Variants in PGR observed in about 807,000 individuals in gnomAD.
PGR encodes progesterone receptor.
A neutral mutation model predicts 76.1 loss-of-function variants in PGR; 25 were observed. That is an observed-to-expected ratio of 0.33 (90% CI 0.24 to 0.46). The LOEUF (loss-of-function observed/expected upper bound fraction) is 0.46, where lower values mean the gene tolerates loss of function less well. PGR is among the 20% of genes least tolerant of loss of function. PGR has a pLI of 1.00. For synonymous variants in PGR, 579 were observed against 535.0 expected, an observed-to-expected ratio of 1.08 and a Z score of -1.14; for missense variants, 1,172 against 1,225.3, an observed-to-expected ratio of 0.96 and a Z score of 0.65.
intron 2 of PGR, among the ~76,000 whole-genome samples, chr11:101,101,658 G>A (rs1440812124): frequency 2.0e-5 from 3 of 152,142 alleles, no homozygotes; most frequent in African/African-American, 7.2e-5. Flanking sequence ...CAACATATTG[G>A]AACAGATTGA....
chr11:101,126,180 C>A (rs2135510456), intron 1 of PGR, 22 bp from the exon 2 acceptor site: 1 of 1,612,404 alleles, frequency 6.2e-7, no homozygotes, highest in East Asian at 2.2e-5. Context: ...AAACAAAGTA[C>A]TCCATTTATT....
At chr11:101,089,936 C>G (rs1048663347) in intron 3 of PGR, among the ~76,000 whole-genome samples, 2 of 152,146 alleles carry the variant, frequency 1.3e-5, no homozygotes, top group Admixed American at 6.5e-5. Context: ...CAGTGGCTCA[C>G]GCCTGTAATC....
chr11:101,100,408 T>C (rs1251866080), intron 2 of PGR, among the ~76,000 whole-genome samples: 1 of 152,190 alleles, frequency 6.6e-6, no homozygotes, highest in Non-Finnish European at 1.5e-5. Flanking sequence ...TAAACCTCTT[T>C]CTTTTATAAA....
chr11:101,109,357 A>G (rs746938744), intron 2 of PGR, among the ~76,000 whole-genome samples: 2 of 152,230 alleles, frequency 1.3e-5, no homozygotes, highest in African/African-American at 4.8e-5. Context: ...TGTAAATGCA[A>G]AGGAAATGTT....
rs1859555177 is a variant in PGR, at chr11:101,037,678, A to G, written c.*1438T>C. The G allele has an allele frequency of 4.4e-6, 1 of 226,136 alleles. No individual in the cohort carries two copies. The highest frequency in any genetic ancestry group is 1.8e-4 in the South Asian group (1 of 5,488). 14.0% of individuals were successfully genotyped at this position (226,136 alleles called of 1,614,324 possible). ...AAAGGGAGAGATCTCACAAAGTAGGAAGCAAAGGTGGAAAATTTAAAAGTA... is the reference window on the plus strand; with the variant it reads ...AAAGGGAGAGATCTCACAAAGTAGGGAGCAAAGGTGGAAAATTTAAAAGTA... On this transcript the variant is annotated 3_prime_UTR_variant, in exon 8 of 8. Coordinates refer to ENST00000325455, the MANE Select transcript of PGR (RefSeq NM_000926.4).
rs371750400 is a variant in PGR at position 101,077,347 on chromosome 11, C to T, written c.1906+14413G>A. 1.9e-3 allele frequency among the ~76,000 whole-genome samples: 286 copies of T among 152,252 alleles called. 3 individuals are homozygous for T. Among genetic ancestry groups the T allele is most frequent in the African/African-American group, 6.7e-3 (278 of 41,548 alleles). The stretch of plus-strand genomic sequence containing the variant: ...CTGATAGTGCTTGCCTTCCATTTTT[C>T]AGGATTCACCTCCAATTTCCAGATC... On this transcript the variant is annotated intron_variant, in intron 3 of 7. Transcript: ENST00000325455.
At position 101,033,363 on chromosome 11, in the gene PGR, T is replaced by C. The variant is rs1859409380; in HGVS notation, c.*5753A>G. On this transcript the variant is annotated 3_prime_UTR_variant, in exon 8 of 8. Coordinates refer to ENST00000325455, the MANE Select transcript of PGR (RefSeq NM_000926.4). ...ACTCTCCACATACCTTTTTTGGTTA[T>C]TCTCATGAATTTTAAAGCCCTTAGA... is the stretch of plus-strand genomic sequence containing the variant. The C allele has an allele frequency of 5.1e-6, 1 of 197,420 alleles. No homozygotes were observed. The highest frequency in any genetic ancestry group is 1.0e-5 in the Non-Finnish European group (1 of 95,260). The allele number at this position is 197,420 out of a possible 1,614,324, so 12.2% of individuals were successfully genotyped here. A position where few individuals can be genotyped will look rare whatever the true frequency, so the allele number is the denominator to read the frequency against.
intron 3 of PGR, among the ~76,000 whole-genome samples, chr11:101,076,279 A>G (rs1323803077): frequency 6.7e-6 from 1 of 148,192 alleles, no homozygotes; most frequent in Non-Finnish European, 1.5e-5. Flanking sequence ...GAACACATGG[A>G]CACAGGGAGG....
intron 2 of PGR, 58 bp from the exon 3 acceptor site, chr11:101,091,934 T>G: frequency 1.1e-6 from 1 of 891,196 alleles, no homozygotes; most frequent in Non-Finnish European, 1.9e-6. Flanking sequence ...CTGGAAATTC[T>G]ATGCAGTGAC....
intron 2 of PGR, among the ~76,000 whole-genome samples, chr11:101,107,864 G>T (rs1438414580): frequency 1.2e-4 from 5 of 42,252 alleles, no homozygotes; most frequent in African/African-American, 1.5e-4. Context: ...AACTGGCTTT[G>T]TAAAAAAAAA....
chr11:101,038,428 A>G lies in PGR; in HGVS notation c.*688T>C, dbSNP rs1859584382. ...TCTCCCCAAAAAAGGTTATTTTAAA[A>G]ACCTACAAAACCCACAATACTATTT... is the stretch of plus-strand genomic sequence containing the variant. On this transcript the variant is annotated 3_prime_UTR_variant, in exon 8 of 8. Transcript: ENST00000325455. The G allele has an allele frequency of 9.0e-6, 2 of 221,058 alleles. No individual in the cohort carries two copies. The highest frequency in any genetic ancestry group is 4.5e-5 in the African/African-American group (2 of 44,692). 13.7% of individuals were successfully genotyped at this position (221,058 alleles called of 1,614,324 possible). A position where few individuals can be genotyped will look rare whatever the true frequency, so the allele number is the denominator to read the frequency against.
intron 2 of PGR, among the ~76,000 whole-genome samples, chr11:101,093,177 G>T (rs1245465073): frequency 6.6e-6 from 1 of 152,108 alleles, no homozygotes; most frequent in Non-Finnish European, 1.5e-5. Flanking sequence ...CTTGTTTAGA[G>T]TCCCAGGAAT....
chr11:101,118,820 G>A (rs570112168), intron 2 of PGR, among the ~76,000 whole-genome samples: 54 of 152,196 alleles, frequency 3.5e-4, no homozygotes, highest in Non-Finnish European at 7.3e-4. Context: ...AGGATATTGT[G>A]TTCATCGGCC....
chr11:101,118,956 C>G (rs1323873161), intron 2 of PGR, among the ~76,000 whole-genome samples: 1 of 152,066 alleles, frequency 6.6e-6, no homozygotes, highest in African/African-American at 2.4e-5. Context: ...GTATCAGGGA[C>G]CAGTTTTGTG....
chr11:101,128,389 C>G lies in PGR; in HGVS notation c.682G>C (p.Glu228Gln). 6.2e-7 allele frequency: 1 copy of G among 1,609,686 alleles called. No individual in the cohort carries two copies. ...AVEVEEEDGS[E>Q]SEESAGPLLK... ...AGCGGACCCGCAGACTCCTCGGACTCAGAGCCATCCTCCTCCTCAACCTCC... is the reference window on the plus strand; with the variant it reads ...AGCGGACCCGCAGACTCCTCGGACTGAGAGCCATCCTCCTCCTCAACCTCC... Residue 228 changes from glutamate (E) to glutamine (Q), a missense_variant, in exon 1 of 8, where the codon GAG (glutamate) becomes CAG (glutamine). Glu to Gln is a conservative substitution (Grantham distance 29). This residue lies in a region of PGR where 893 missense variants were observed against 785.9 expected (regional missense o/e 1.14). Coordinates refer to ENST00000325455, the MANE Select transcript of PGR (RefSeq NM_000926.4).
Position 101,113,413 on chromosome 11 carries a change from C to T in PGR, c.1789+12594G>A, listed in dbSNP as rs960304841. ...AGTAGCTGGGACTACAGGCACCCAC[C>T]ACCATGCCTGGCTATTTTTTTTTTT... On this transcript the variant is annotated intron_variant, in intron 2 of 7. Transcript: ENST00000325455. 6.9e-5 allele frequency among the ~76,000 whole-genome samples: 10 copies of T among 144,710 alleles called. No homozygotes were observed. The South Asian group carries it at 2.3e-3, about 33-fold the overall frequency. 94.9% of individuals were successfully genotyped at this position (144,710 alleles called of 152,430 possible).
chr11:101,128,945 C>T lies in PGR; in HGVS notation c.126G>A (p.Ser42=). Residue 42 remains serine (S), a synonymous_variant, in exon 1 of 8, where the codon TCG becomes TCA. Transcript: ENST00000325455. Reference sequence around the variant, plus strand: ...TGGCCGAAACTTCAGGCAAGGTGTCCGAGGTCTGGCTCCCCGGGAACGGAC... The same window carrying T: ...TGGCCGAAACTTCAGGCAAGGTGTCTGAGGTCTGGCTCCCCGGGAACGGAC... ...AAGPFPGSQT[S]DTLPEVSAIP... 6.2e-7 allele frequency: 1 copy of T among 1,610,160 alleles called. No homozygotes were observed.
intron 2 of PGR, among the ~76,000 whole-genome samples, chr11:101,105,862 A>G (rs1184496322): frequency 6.6e-6 from 1 of 152,212 alleles, no homozygotes; most frequent in African/African-American, 2.4e-5. Context: ...ACAGCATGGC[A>G]CTGGTACCAA....
At chr11:101,074,203 T>C (rs1192743216) in intron 3 of PGR, among the ~76,000 whole-genome samples, 1 of 152,230 alleles carries the variant, frequency 6.6e-6, no homozygotes, top group East Asian at 1.9e-4. Flanking sequence ...ATCCATCACA[T>C]AAACAGAACC....
Sources: gnomAD v4.1 joint callset for allele counts (sites outside exome capture counted in the v4.1 genomes callset) on GRCh38, gnomAD v4.1.1 for gene constraint, gnomAD v4.1.1 regional missense constraint, MANE v1.5 for transcripts, NCBI Gene and HGNC (gene_info 2026-07-23, HGNC 2026-07-21) for gene names.